The following RUBCN variants were observed in gnomAD, a reference collection of about 807,000 sequenced individuals.
RUBCN encodes run domain Beclin-1-interacting and cysteine-rich domain-containing protein.
A neutral mutation model predicts 113.2 loss-of-function variants in RUBCN; 74 were observed. That is an observed-to-expected ratio of 0.65 (90% CI 0.54 to 0.79). The LOEUF (loss-of-function observed/expected upper bound fraction) is 0.79, where lower values mean the gene tolerates loss of function less well. RUBCN is among the 30% of genes least tolerant of loss of function. RUBCN has a pLI of 0.00. For missense variants in RUBCN, 1,109 were observed against 1,251.7 expected, an observed-to-expected ratio of 0.89 and a Z score of 1.72; for synonymous variants, 480 against 490.0, an observed-to-expected ratio of 0.98 and a Z score of 0.27.
At chr3:197,732,427 C>T (rs1727623972) in intron 1 of RUBCN, among the ~76,000 whole-genome samples, 1 of 152,214 alleles carries the variant, frequency 6.6e-6, no homozygotes, top group Non-Finnish European at 1.5e-5. Context: ...CATTCTCCTG[C>T]CTCAACCTCC....
intron 3 of RUBCN, 35 bp downstream of exon 3, chr3:197,705,057 C>G: frequency 6.5e-7 from 1 of 1,543,242 alleles, no homozygotes; most frequent in Non-Finnish European, 8.9e-7. Context: ...AGACCCACAG[C>G]TCTGCCAGCA....
At chr3:197,709,998 T>C in intron 2 of RUBCN, among the ~76,000 whole-genome samples, 1 of 151,240 alleles carries the variant, frequency 6.6e-6, no homozygotes, top group East Asian at 2.0e-4. Flanking sequence ...TGTGAAACCC[T>C]GTCTCTACTA....
Position 197,703,531 on chromosome 3 carries a change from T to C in RUBCN, c.570+17A>G, listed in dbSNP as rs771374187. The stretch of plus-strand genomic sequence containing the variant: ...AGGGACCCAGCATAGACGTGGATAA[T>C]TCCTTGTCCCCTGTACCATGGACGC... On this transcript the variant is annotated intron_variant, in intron 5 of 19. Coordinates refer to ENST00000296343, the MANE Select transcript of RUBCN (RefSeq NM_014687.4). The C allele has an allele frequency of 6.4e-7, 1 of 1,563,224 alleles. No homozygotes were observed. Among genetic ancestry groups the C allele is most frequent in the Non-Finnish European group, 8.8e-7 (1 of 1,136,930 alleles).
At chr3:197,703,918 G>C (rs2108913809) in intron 4 of RUBCN, among the ~76,000 whole-genome samples, 1 of 152,276 alleles carries the variant, frequency 6.6e-6, no homozygotes, top group South Asian at 2.1e-4. Flanking sequence ...CTGTGGATTG[G>C]AAACAGTAGC....
chr3:197,732,586 T>G lies in RUBCN; in HGVS notation c.65+4069A>C, dbSNP rs1333183537. On this transcript the variant is annotated intron_variant, in intron 1 of 19. Coordinates refer to ENST00000296343, the MANE Select transcript of RUBCN (RefSeq NM_014687.4). ...CCTTGGCCTCCCAAAGTGTTGGGAT[T>G]ACAGGCGTGAGCCACCGTGCCCAGT... is the stretch of plus-strand genomic sequence containing the variant. 3.3e-5 allele frequency among the ~76,000 whole-genome samples: 5 copies of G among 152,260 alleles called. No individual in the cohort carries two copies. In the East Asian group the frequency reaches 9.6e-4, roughly 29 times the overall value.
intron 2 of RUBCN, among the ~76,000 whole-genome samples, chr3:197,710,169 CAAA>C (rs201067302): frequency 7.5e-5 from 9 of 119,632 alleles, no homozygotes; most frequent in African/African-American, 1.2e-4. Context: ...GACTCTGTCT[CAAA>C]AAAAAAAAAA....
At chr3:197,741,196 A>G (rs1359580731), upstream of RUBCN, among the ~76,000 whole-genome samples, 1 of 152,250 alleles carries the variant, frequency 6.6e-6, no homozygotes, top group East Asian at 1.9e-4. Context: ...TGCTAAATAT[A>G]ACAAAAATTT....
At chr3:197,691,302 C>G (rs1258494354) in intron 11 of RUBCN, among the ~76,000 whole-genome samples, 1 of 152,212 alleles carries the variant, frequency 6.6e-6, no homozygotes, top group South Asian at 2.1e-4. Context: ...GGTGCTCACT[C>G]TAGCTTGGAG....
At chr3:197,682,441 T>C (rs201560557) in intron 14 of RUBCN, 29 bp downstream of exon 14, 169 of 1,613,208 alleles carry the variant, frequency 1.0e-4, no homozygotes, top group South Asian at 5.3e-4. Flanking sequence ...GGATCTGTGC[T>C]CCAAAGGGCA....
intron 2 of RUBCN, among the ~76,000 whole-genome samples, chr3:197,717,415 G>A (rs770545347): frequency 1.5e-3 from 234 of 151,304 alleles, no homozygotes; most frequent in Non-Finnish European, 2.7e-3. Flanking sequence ...CCGCACTCCA[G>A]CCTGGGTGAC....
chr3:197,711,230 G>T (rs983921088), intron 2 of RUBCN, among the ~76,000 whole-genome samples: 2 of 152,076 alleles, frequency 1.3e-5, no homozygotes, highest in East Asian at 3.8e-4. Flanking sequence ...TTTATCCTAC[G>T]GTAAAGGGCA....
chr3:197,732,407 G>T (rs1028446240), intron 1 of RUBCN, among the ~76,000 whole-genome samples: 1 of 152,120 alleles, frequency 6.6e-6, no homozygotes, highest in Non-Finnish European at 1.5e-5. Flanking sequence ...TCCGCCTCCC[G>T]GGTTCACGCC....
At chr3:197,749,429 G>T in exon 1 of RUBCN, 1 of 1,227,794 alleles carries the variant, frequency 8.1e-7, no homozygotes, top group Non-Finnish European at 1.0e-6. Context: ...TTTGCGTTCA[G>T]ATGCGGCAGC....
intron 7 of RUBCN, among the ~76,000 whole-genome samples, chr3:197,697,252 AAAG>A (rs1723119211): frequency 6.6e-6 from 1 of 152,170 alleles, no homozygotes; most frequent in Non-Finnish European, 1.5e-5. Flanking sequence ...TCTAAGTGGA[AAAG>A]AAGAAACGTG....
Position 197,705,830 on chromosome 3 carries a change from C to A in RUBCN, c.220-655G>T, listed in dbSNP as rs572426458. 7.9e-5 allele frequency among the ~76,000 whole-genome samples: 12 copies of A among 152,074 alleles called. No homozygotes were observed. The East Asian group carries it at 2.3e-3, about 29-fold the overall frequency. On this transcript the variant is annotated intron_variant, in intron 2 of 19. Coordinates refer to ENST00000296343, the MANE Select transcript of RUBCN (RefSeq NM_014687.4). ...GCAACCTCCACCTCCCATGCTGAGG[C>A]GATTCTCATGCCTCAGCCTCCCGAA... is the stretch of plus-strand genomic sequence containing the variant.
intron 1 of RUBCN, among the ~76,000 whole-genome samples, chr3:197,727,929 T>C (rs1173447825): frequency 6.6e-6 from 1 of 152,210 alleles, no homozygotes; most frequent in Non-Finnish European, 1.5e-5. Context: ...AGACAAAGTG[T>C]TTCAGTCTTT....
At chr3:197,713,799 G>A (rs887195660) in intron 2 of RUBCN, among the ~76,000 whole-genome samples, 2 of 151,960 alleles carry the variant, frequency 1.3e-5, no homozygotes, top group Non-Finnish European at 2.9e-5. Flanking sequence ...TCCAGGCCAG[G>A]CACGGTGGCT....
chr3:197,708,238 C>T (rs1385771716), intron 2 of RUBCN, among the ~76,000 whole-genome samples: 1 of 151,774 alleles, frequency 6.6e-6, no homozygotes, highest in Non-Finnish European at 1.5e-5. Context: ...CAGGTTCAAG[C>T]GATTCTCCTG....
At chr3:197,717,535 G>GC (rs1725683278) in intron 2 of RUBCN, among the ~76,000 whole-genome samples, 1 of 152,162 alleles carries the variant, frequency 6.6e-6, no homozygotes, top group Admixed American at 6.5e-5. Context: ...AAAGAATGCA[G>GC]GAAACCTAGA....
Sources: gnomAD v4.1 joint callset for allele counts (sites outside exome capture counted in the v4.1 genomes callset) on GRCh38, gnomAD v4.1.1 for gene constraint, MANE v1.5 for transcripts, NCBI Gene and HGNC (gene_info 2026-07-23, HGNC 2026-07-21) for gene names.